ZC3H12B: variants seen among roughly 807,000 people sequenced by gnomAD.
ZC3H12B encodes zinc finger CCCH-type containing 12B, also known as probable ribonuclease ZC3H12B.
ZC3H12B carries 7 observed loss-of-function variants against 43.9 expected under a neutral mutation model. The ratio of observed to expected loss-of-function variants is 0.16; its 90% CI spans 0.09 to 0.30. The LOEUF (loss-of-function observed/expected upper bound fraction) is 0.30. Among genes scored for constraint, ZC3H12B ranks in the 10% least tolerant of loss-of-function variants. The probability of loss-of-function intolerance (pLI) is 1.00; values close to 1 mark genes in which losing one functional copy is unlikely to be tolerated. For synonymous variants in ZC3H12B, 222 were observed against 241.7 expected (o/e 0.92, Z 0.76); for missense variants, 475 against 670.2 (o/e 0.71, Z 3.22).
At chrX:65,379,195 T>A (rs1432445627) in intron 2 of ZC3H12B, among the ~76,000 whole-genome samples, 1 of 111,874 alleles carries the variant, frequency 8.9e-6, no homozygotes, top group Non-Finnish European at 1.9e-5. Context: ...CTCCGCAGAC[T>A]TAAATGTCCC....
At chrX:65,386,020 T>C (rs1410282841) in intron 2 of ZC3H12B, among the ~76,000 whole-genome samples, 1 of 112,140 alleles carries the variant, frequency 8.9e-6, no homozygotes, top group Non-Finnish European at 1.9e-5. Context: ...GGATAAGCTT[T>C]TTGATGTGCT....
intron 3 of ZC3H12B, among the ~76,000 whole-genome samples, chrX:65,461,793 G>A (rs1271522166): frequency 1.8e-5 from 2 of 110,529 alleles, no homozygotes; most frequent in African/African-American, 6.6e-5. Flanking sequence ...CATGGCCCAT[G>A]TATATATATG....
At chrX:65,204,880 T>C in the ZC3H12B span, among the ~76,000 whole-genome samples, 1 of 112,256 alleles carries the variant, frequency 8.9e-6, no homozygotes, top group Non-Finnish European at 1.9e-5. Flanking sequence ...CTGCTGCTCA[T>C]TTCCTACTTC....
chrX:65,160,387 G>GTCCTGGAC, the ZC3H12B span, among the ~76,000 whole-genome samples: 1 of 111,465 alleles, frequency 9.0e-6, no homozygotes, highest in Non-Finnish European at 1.9e-5. Flanking sequence ...AATCCATCTG[G>GTCCTGGAC]TCCTGGACTC....
chrX:65,255,864 C>G, the ZC3H12B span, among the ~76,000 whole-genome samples: 11 of 111,796 alleles, frequency 9.8e-5, no homozygotes, highest in African/African-American at 3.6e-4. Flanking sequence ...GAATGGAAAA[C>G]AGAAAAAATC....
the ZC3H12B span, among the ~76,000 whole-genome samples, chrX:65,237,314 A>T: frequency 9.0e-6 from 1 of 110,724 alleles, no homozygotes; most frequent in South Asian, 3.8e-4. Flanking sequence ...TAGGTAATTG[A>T]TTTTTTTGTA....
the ZC3H12B span, among the ~76,000 whole-genome samples, chrX:65,150,248 G>A: frequency 9.0e-6 from 1 of 110,918 alleles, no homozygotes; most frequent in Non-Finnish European, 1.9e-5. Context: ...ATTTCATAAT[G>A]AAGCAATATG....
rs1274655311 is a variant in ZC3H12B, at chrX:65,456,256, A to T, written n.408-32390A>T. 2.2e-3 allele frequency among the ~76,000 whole-genome samples: 244 copies of T among 111,596 alleles called. 1 individual carries two copies. The highest frequency in any genetic ancestry group is 3.7e-3 in the Non-Finnish European group (198 of 53,002). ...CCATCTCACGTGCAGAGACACACAT[A>T]GGCTCAAAATAAAGGGATGGAGGAA... On this transcript the variant is annotated intron_variant and non_coding_transcript_variant, in intron 3 of 5. Transcript: ENST00000617377.
chrX:65,212,650 C>CATATATTATATATAAATATATATGATTT, the ZC3H12B span, among the ~76,000 whole-genome samples: 60 of 77,499 alleles, frequency 7.7e-4, no homozygotes, highest in Non-Finnish European at 9.9e-4. Context: ...GATTATATAT[C>CATATATTATATATAAATATATATGATTT]ATATATTATA....
the ZC3H12B span, among the ~76,000 whole-genome samples, chrX:65,114,916 ATTTTTT>A: frequency 2.1e-4 from 4 of 19,323 alleles, no homozygotes; most frequent in East Asian, 2.6e-3. Context: ...GTGTCTCAGG[ATTTTTT>A]TTTTTTTTTT....
the ZC3H12B span, among the ~76,000 whole-genome samples, chrX:65,063,821 G>A: frequency 1.8e-5 from 2 of 111,650 alleles, no homozygotes; most frequent in African/African-American, 6.5e-5. Flanking sequence ...ATTAATTACT[G>A]CCTCAATTTC....
At chrX:65,184,200 T>A in the ZC3H12B span, among the ~76,000 whole-genome samples, 2 of 111,824 alleles carry the variant, frequency 1.8e-5, no homozygotes, top group African/African-American at 6.5e-5. Flanking sequence ...TATCTTGATA[T>A]TTCTACATTG....
the ZC3H12B span, among the ~76,000 whole-genome samples, chrX:65,144,848 T>G: frequency 8.9e-6 from 1 of 111,805 alleles, no homozygotes; most frequent in Admixed American, 9.5e-5. Context: ...GATATAATTT[T>G]GATTTTCTTA....
At chrX:65,202,534 G>T in the ZC3H12B span, among the ~76,000 whole-genome samples, 14 of 110,129 alleles carry the variant, frequency 1.3e-4, no homozygotes, top group South Asian at 5.0e-3. Context: ...ATGTGTCTGG[G>T]TTACCAGGCA....
chrX:65,336,840 C>T, the ZC3H12B span, among the ~76,000 whole-genome samples: 3 of 112,447 alleles, frequency 2.7e-5, no homozygotes, highest in Non-Finnish European at 5.6e-5. Flanking sequence ...AAGCAAAGCT[C>T]CCATGTCCCA....
At chrX:65,194,747 G>T in the ZC3H12B span, among the ~76,000 whole-genome samples, 9 of 112,037 alleles carry the variant, frequency 8.0e-5, no homozygotes, top group Admixed American at 3.8e-4. Flanking sequence ...TGAATGATCT[G>T]TCCAGTGCTG....
chrX:65,083,671 C>A, the ZC3H12B span, among the ~76,000 whole-genome samples: 1 of 111,423 alleles, frequency 9.0e-6, no homozygotes, highest in Admixed American at 9.5e-5. Flanking sequence ...TTAAAATGTC[C>A]ATACTACTCC....
chrX:65,343,923 A>T, the ZC3H12B span, among the ~76,000 whole-genome samples: 2 of 112,240 alleles, frequency 1.8e-5, no homozygotes, highest in Non-Finnish European at 3.8e-5. Flanking sequence ...CATCTACAAC[A>T]TCCCAATCCC....
At chrX:65,236,594 T>C in the ZC3H12B span, among the ~76,000 whole-genome samples, 1 of 111,994 alleles carries the variant, frequency 8.9e-6, no homozygotes, top group Non-Finnish European at 1.9e-5. Context: ...GCAATTGCTT[T>C]TGGCATTTTT....
Sources: gnomAD v4.1 joint callset for allele counts (sites outside exome capture counted in the v4.1 genomes callset) on GRCh38, gnomAD v4.1.1 for gene constraint, MANE v1.5 for transcripts, NCBI Gene and HGNC (gene_info 2026-07-23, HGNC 2026-07-21) for gene names.